Variants in ZDHHC11B observed in about 807,000 individuals in gnomAD.
ZDHHC11B encodes the protein zDHHC palmitoyltransferase 11B (putative), also known as probable palmitoyltransferase ZDHHC11B.
A neutral mutation model predicts 42.3 loss-of-function variants in ZDHHC11B; 17 were observed. The observed-to-expected ratio is 0.40, with a 90% CI of 0.27 to 0.60. The LOEUF (loss-of-function observed/expected upper bound fraction) is 0.60, where lower values mean the gene tolerates loss of function less well. Ranked by LOEUF, ZDHHC11B falls within the 20% of genes least tolerant of loss-of-function variation. ZDHHC11B has a pLI of 0.41. For synonymous variants in ZDHHC11B, 123 were observed against 193.5 expected, an observed-to-expected ratio of 0.64 and a Z score of 3.02; for missense variants, 262 against 463.2, an observed-to-expected ratio of 0.57 and a Z score of 3.99.
chr5:777,526 G>C lies in ZDHHC11B; in HGVS notation c.-230+7142C>G, dbSNP rs200525620. 3.3e-5 allele frequency among the ~76,000 whole-genome samples: 5 copies of C among 151,860 alleles called. 1 individual carries two copies. The East Asian group carries it at 9.6e-4, about 29-fold the overall frequency. ...AGAGCAAAAGAACAAACTTTCCACA[G>C]CGGAGAAGAGAATGGAGTCAGGTTG... is the stretch of plus-strand genomic sequence containing the variant. On this transcript the variant is annotated intron_variant, in intron 1 of 13. Transcript: ENST00000508859.
At chr5:767,548 G>C (rs452764) in intron 2 of ZDHHC11B, 24 bp from the exon 3 acceptor site, 9 of 1,386,092 alleles carry the variant, frequency 6.5e-6, no homozygotes, top group Non-Finnish European at 8.9e-6. Flanking sequence ...GAGAAAGAGA[G>C]CATCACTGGA....
chr5:730,394 A>G, intron 12 of ZDHHC11B, 40 bp downstream of exon 12: 1 of 1,571,900 alleles, frequency 6.4e-7, no homozygotes, highest in African/African-American at 1.4e-5. Flanking sequence ...AGGCAAGTGT[A>G]CAGACAGATA....
At chr5:712,503 C>T (rs1487713132) in intron 13 of ZDHHC11B, among the ~76,000 whole-genome samples, 1 of 126,196 alleles carries the variant, frequency 7.9e-6, no homozygotes, top group African/African-American at 3.1e-5. Context: ...CCCCATCCTT[C>T]CAGAAAACTT....
chr5:724,035 T>C (rs556443276), intron 12 of ZDHHC11B, among the ~76,000 whole-genome samples: 2,970 of 148,728 alleles, frequency 0.02, 39 homozygotes, highest in African/African-American at 0.044. Flanking sequence ...CTCTCCTCTC[T>C]AGCTCCTCTG....
chr5:718,470 G>A (rs1472026088), intron 12 of ZDHHC11B, among the ~76,000 whole-genome samples: 15 of 151,600 alleles, frequency 9.9e-5, no homozygotes, highest in Non-Finnish European at 2.1e-4. Flanking sequence ...TCAGGAGATC[G>A]AGAACATCCT....
intron 12 of ZDHHC11B, among the ~76,000 whole-genome samples, chr5:726,211 T>C (rs1742595407): frequency 1.3e-5 from 2 of 151,668 alleles, no homozygotes; most frequent in Admixed American, 1.3e-4. Context: ...TCTTAGTGAA[T>C]GGACTTTCCC....
At chr5:770,912 G>A (rs1209801325) in intron 1 of ZDHHC11B, among the ~76,000 whole-genome samples, 13 of 151,938 alleles carry the variant, frequency 8.6e-5, no homozygotes, top group South Asian at 2.1e-4. Flanking sequence ...GCTTGGGGAC[G>A]CAGGGCTACG....
At chr5:724,680 C>CACACACAG (rs1554029370) in intron 12 of ZDHHC11B, among the ~76,000 whole-genome samples, 1 of 150,508 alleles carries the variant, frequency 6.6e-6, no homozygotes, top group Non-Finnish European at 1.5e-5. Flanking sequence ...CACACACACA[C>CACACACAG]ACACACACAG....
chr5:756,495 C>T (rs1366693616), intron 4 of ZDHHC11B, among the ~76,000 whole-genome samples: 2 of 151,738 alleles, frequency 1.3e-5, no homozygotes, highest in African/African-American at 2.4e-5. Flanking sequence ...AAGGCTGCCC[C>T]CATGCCCCTT....
intron 1 of ZDHHC11B, among the ~76,000 whole-genome samples, chr5:774,447 C>T (rs1252662139): frequency 1.3e-4 from 19 of 151,638 alleles, no homozygotes; most frequent in Non-Finnish European, 2.7e-4. Context: ...CTCACTAGGA[C>T]CAGGGGCCTG....
chr5:725,061 T>C (rs1258245472), intron 12 of ZDHHC11B, among the ~76,000 whole-genome samples: 2 of 150,944 alleles, frequency 1.3e-5, no homozygotes, highest in South Asian at 2.1e-4. Flanking sequence ...AACCCCAGCG[T>C]TGTGTGTCAT....
chr5:746,776 G>GT (rs1744891542), intron 8 of ZDHHC11B, among the ~76,000 whole-genome samples: 1 of 149,576 alleles, frequency 6.7e-6, no homozygotes. Context: ...TCAGCACACA[G>GT]TGGGCATTGA....
At position 744,240 on chromosome 5, in the gene ZDHHC11B, G is replaced by C. The variant is rs1194636987; in HGVS notation, c.900+943C>G. ...GATTTGGTTTCCCAAGGTCTTATCA[G>C]TGATCTTTGCCTGTGTTTCCTGAAT... On this transcript the variant is annotated intron_variant, in intron 9 of 13. Transcript: ENST00000508859. Among the ~76,000 whole-genome samples the C allele has an allele frequency of 3.1e-4, 47 of 150,038 alleles. 1 individual carries two copies. Among genetic ancestry groups the C allele is most frequent in the African/African-American group, 1.0e-3 (42 of 40,918 alleles).
rs199899496 is a variant in ZDHHC11B, at chr5:713,442, A to ATG, written c.*8-1162_*8-1161dup. Among the ~76,000 whole-genome samples the ATG allele has an allele frequency of 1.2e-3, 189 of 151,992 alleles. 4 individuals carry two copies. In the East Asian group the frequency reaches 0.033, roughly 26 times the overall value. On this transcript the variant is annotated intron_variant, in intron 13 of 13. Coordinates refer to ENST00000508859, the MANE Select transcript of ZDHHC11B (RefSeq NM_001351303.2). ...GCCAAATTCAACATCTGAAATATTT[A>ATG]TGTCTGTTTCTACTATGTTTTCTGC...
At chr5:720,531 ATTAT>A (rs1342909797) in intron 12 of ZDHHC11B, among the ~76,000 whole-genome samples, 2 of 151,852 alleles carry the variant, frequency 1.3e-5, no homozygotes, top group African/African-American at 4.9e-5. Context: ...TGTTAAAGAA[ATTAT>A]TTAGTCCTAA....
In ZDHHC11B at chr5:711,757, C is replaced by T. The variant is rs112555855; in HGVS notation, c.*533G>A. On this transcript the variant is annotated 3_prime_UTR_variant, in exon 14 of 14. Coordinates refer to ENST00000508859, the MANE Select transcript of ZDHHC11B (RefSeq NM_001351303.2). ...ATTTCCCAGCACTGTGCTCCCATTT[C>T]CCATTACTGTGCTCCCATTTCCCAG... The T allele has an allele frequency of 0.025, 3,958 of 156,390 alleles. 153 individuals are homozygous for T. Among genetic ancestry groups the T allele is most frequent in the African/African-American group, 0.092 (3,752 of 40,908 alleles). The allele number at this position is 156,390 out of a possible 1,614,324, so 9.7% of individuals were successfully genotyped here. A position where few individuals can be genotyped will look rare whatever the true frequency, so the allele number is the denominator to read the frequency against.
chr5:724,961 C>T (rs1230674267), intron 12 of ZDHHC11B, among the ~76,000 whole-genome samples: 8 of 146,526 alleles, frequency 5.5e-5, no homozygotes, highest in African/African-American at 2.0e-4. Context: ...CACGGCACTT[C>T]TGGGCCTTTG....
intron 1 of ZDHHC11B, among the ~76,000 whole-genome samples, chr5:779,572 C>T (rs1200732329): frequency 2.0e-4 from 29 of 148,236 alleles, no homozygotes; most frequent in Non-Finnish European, 3.4e-4. Flanking sequence ...ATGAAGGCTG[C>T]ATACGTGGCT....
In ZDHHC11B at chr5:741,437, C is replaced by T. The variant is rs1309841626; in HGVS notation, c.935+157G>A. On this transcript the variant is annotated intron_variant, in intron 10 of 13. Transcript: ENST00000508859. Reference sequence around the variant, plus strand: ...AGATAGATAATTTGGTATAATTTAACAACATTAAACAAAACTATTTTATCT... The same window carrying T: ...AGATAGATAATTTGGTATAATTTAATAACATTAAACAAAACTATTTTATCT... 3.4e-5 allele frequency among the ~76,000 whole-genome samples: 5 copies of T among 145,034 alleles called. No individual in the cohort carries two copies. In the South Asian group the frequency reaches 1.3e-3, roughly 36 times the overall value.
Sources: gnomAD v4.1 joint callset for allele counts (sites outside exome capture counted in the v4.1 genomes callset) on GRCh38, gnomAD v4.1.1 for gene constraint, MANE v1.5 for transcripts, NCBI Gene and HGNC (gene_info 2026-07-23, HGNC 2026-07-21) for gene names.